Variants in FBXW9 observed in about 807,000 individuals in gnomAD.
FBXW9 encodes F-box and WD repeat domain containing 9, also known as F-box/WD repeat-containing protein 9.
A neutral mutation model predicts 55.8 loss-of-function variants in FBXW9; 38 were observed. The ratio of observed to expected loss-of-function variants is 0.68; its 90% CI spans 0.53 to 0.89. The LOEUF (loss-of-function observed/expected upper bound fraction) is 0.89. FBXW9 is among the 40% of genes least tolerant of loss of function. The pLI, the probability that FBXW9 is intolerant of heterozygous loss-of-function variation, is 0.00. For synonymous variants in FBXW9, 289 were observed against 278.2 expected (o/e 1.04, Z -0.38); for missense variants, 590 against 619.4 (o/e 0.95, Z 0.50).
At chr19:12,693,025 G>A (rs1325433698) in intron 3 of FBXW9, among the ~76,000 whole-genome samples, 1 of 152,130 alleles carries the variant, frequency 6.6e-6, no homozygotes, top group South Asian at 2.1e-4. Flanking sequence ...GCTGAATGCT[G>A]ACTTTTTGCC....
rs1364164288 is a variant in FBXW9, at chr19:12,689,065, C to G, written c.*151G>C. 2 of 749,512 alleles carry G rather than the reference C, an allele frequency of 2.7e-6. No homozygotes were observed. Among genetic ancestry groups the G allele is most frequent in the South Asian group, 2.9e-5 (2 of 68,698 alleles). The allele number at this position is 749,512 out of a possible 1,614,324, so 46.4% of individuals were successfully genotyped here. A position where few individuals can be genotyped will look rare whatever the true frequency, so the allele number is the denominator to read the frequency against. ...TTCACCCTTCCCCCGGGCATAGGGCCCAGGCCAGGACGCTCACCCGAATGT... is the reference window on the plus strand; with the variant it reads ...TTCACCCTTCCCCCGGGCATAGGGCGCAGGCCAGGACGCTCACCCGAATGT... On this transcript the variant is annotated 3_prime_UTR_variant, in exon 10 of 10. Transcript: ENST00000393261. This position sits in a 1 kb window ranked among gnomAD's most constrained non-coding sequence, Gnocchi z 5.9.
At chr19:12,691,052 C>CT (rs2025000096) in intron 5 of FBXW9, 114 bp downstream of exon 5, 1 of 944,620 alleles carries the variant, frequency 1.1e-6, no homozygotes, top group Non-Finnish European at 1.7e-6. Flanking sequence ...CATGGCCACT[C>CT]TGAGTGGTGA....
Position 12,691,193 on chromosome 19 carries a change from T to G in FBXW9, c.856A>C (p.Lys286Gln), listed in dbSNP as rs762847752. Reference sequence around the variant, plus strand: ...CTGGGGTCGTAGATGGTCACCTTCTTGTCATAGGTGCCAGTCACCAGGATG... The same window carrying G: ...CTGGGGTCGTAGATGGTCACCTTCTGGTCATAGGTGCCAGTCACCAGGATG... The part of the protein sequence containing the change: ...PDILVTGTYD[K>Q]KVTIYDPRAG... Residue 286 changes from lysine to glutamine, a missense_variant, in exon 5 of 10, where the codon AAG becomes CAG. Lys to Gln is a moderately conservative substitution (Grantham distance 53). Coordinates refer to ENST00000393261, the MANE Select transcript of FBXW9 (RefSeq NM_032301.3). The G allele has an allele frequency of 4.3e-6, 7 of 1,614,028 alleles. No individual in the cohort carries two copies. Among genetic ancestry groups the G allele is most frequent in the Non-Finnish European group, 5.9e-6 (7 of 1,180,030 alleles).
intron 3 of FBXW9, among the ~76,000 whole-genome samples, chr19:12,693,589 C>G (rs1407402248): frequency 8.7e-5 from 9 of 104,026 alleles, no homozygotes; most frequent in African/African-American, 6.0e-4. Flanking sequence ...CACACACACA[C>G]ACACACACAC....
intron 1 of FBXW9, 72 bp from the exon 2 acceptor site, chr19:12,695,010 C>T: frequency 1.9e-6 from 3 of 1,540,752 alleles, no homozygotes; most frequent in South Asian, 1.2e-5. Context: ...CCAAGCCCAA[C>T]CCTGGCTTCC....
Position 12,691,105 on chromosome 19 carries a change from C to T in FBXW9, c.883+61G>A, listed in dbSNP as rs1266521210. On this transcript the variant is annotated intron_variant, in intron 5 of 9. Transcript: ENST00000393261. ...TATGACCCCAGCCAGGCTGTGAAGC[C>T]CCAGTGTCTCCTTCCCTAACATGAC... 23 of 1,400,620 alleles carry T rather than the reference C, an allele frequency of 1.6e-5. No homozygotes were observed. In the Admixed American group the frequency reaches 3.9e-4, roughly 23 times the overall value. The allele number at this position is 1,400,620 out of a possible 1,614,324, so 86.8% of individuals were successfully genotyped here. A position where few individuals can be genotyped will look rare whatever the true frequency, so the allele number is the denominator to read the frequency against.
Position 12,689,936 on chromosome 19 carries a change from C to G in FBXW9, c.1032+26G>C, listed in dbSNP as rs1342353593. The G allele has an allele frequency of 6.2e-7, 1 of 1,612,846 alleles. No individual in the cohort carries two copies. Among genetic ancestry groups the G allele is most frequent in the South Asian group, 1.1e-5 (1 of 91,052 alleles). ...GGCTGGGCCTGCAACAGTCCCCATC[C>G]CTCCAGGCCCCTGGGGAGGGCCCAC... On this transcript the variant is annotated intron_variant, in intron 6 of 9. Transcript: ENST00000393261. The surrounding 1 kb of genome is among the most constrained non-coding windows in gnomAD (Gnocchi z 5.9).
Position 12,696,421 on chromosome 19 carries a change from G to A in FBXW9, c.161C>T (p.Ser54Phe), listed in dbSNP as rs373375055. The A allele has an allele frequency of 1.4e-4, 225 of 1,611,790 alleles. 2 individuals carry two copies. In the African/African-American group the frequency reaches 2.6e-3, roughly 18 times the overall value. The change falls in exon 1 of 10, where the codon TCC (serine) becomes TTC (phenylalanine). Residue 54 changes from serine to phenylalanine, a missense_variant. By Grantham distance (155) the Ser-to-Phe change is radical. Transcript: ENST00000393261. ...AGCGCTCGGGGACGCGGCGGGTGTG[G>A]ATAGCTGCGAGGGGCGCGAGAACGC... ...GLAFSRPSQLSTPAASPSASE... is the reference protein window; with the variant it reads ...GLAFSRPSQLFTPAASPSASE...
At chr19:12,693,050 A>G (rs1361934953) in intron 3 of FBXW9, among the ~76,000 whole-genome samples, 2 of 152,168 alleles carry the variant, frequency 1.3e-5, no homozygotes, top group Non-Finnish European at 2.9e-5. Flanking sequence ...AATCCCGCTG[A>G]GGAGGGCAAT....
At chr19:12,692,226 ATT>A (rs145110867) in intron 3 of FBXW9, among the ~76,000 whole-genome samples, 23 of 135,258 alleles carry the variant, frequency 1.7e-4, no homozygotes, top group Non-Finnish European at 1.6e-4. Flanking sequence ...CACTCTGCTA[ATT>A]TTTTTTTTTT....
chr19:12,692,063 T>C (rs1286960122), intron 3 of FBXW9, among the ~76,000 whole-genome samples: 1 of 131,098 alleles, frequency 7.6e-6, no homozygotes, highest in Admixed American at 7.8e-5. Context: ...GCCCAGGAAC[T>C]CTTTTTTTTT....
chr19:12,694,566 T>C lies in FBXW9; in HGVS notation c.678+28A>G, dbSNP rs10424461. On this transcript the variant is annotated intron_variant, in intron 3 of 9. Coordinates refer to ENST00000393261, the MANE Select transcript of FBXW9 (RefSeq NM_032301.3). ...ACCAAGATGCCCTACTCAGGCCTCA[T>C]ACCTCCTATCCCCACCTGACTCCTC... is the stretch of plus-strand genomic sequence containing the variant. The C allele has an allele frequency of 0.036, 57,644 of 1,607,516 alleles. 8,633 individuals are homozygous for C. The African/African-American group carries it at 0.46, about 13-fold the overall frequency.
At chr19:12,690,800 A>C (rs995337888) in intron 5 of FBXW9, among the ~76,000 whole-genome samples, 5 of 152,124 alleles carry the variant, frequency 3.3e-5, no homozygotes, top group African/African-American at 1.2e-4. Context: ...AGGCGCCACC[A>C]CATCCAGCAT....
rs2024968663 is a variant in FBXW9 at position 12,689,316 on chromosome 19, G to A, written c.1303-26C>T. 2.5e-6 allele frequency: 4 copies of A among 1,614,216 alleles called. No individual in the cohort carries two copies. The highest frequency in any genetic ancestry group is 3.4e-6 in the Non-Finnish European group (4 of 1,180,026). ...CTGGGAAGGGGGAGGAACATGAGGAGTCAGGGACGATGGCGCTCTGGCCAG... is the reference window on the plus strand; with the variant it reads ...CTGGGAAGGGGGAGGAACATGAGGAATCAGGGACGATGGCGCTCTGGCCAG... On this transcript the variant is annotated intron_variant, in intron 9 of 9. Transcript: ENST00000393261. This position sits in a 1 kb window ranked among gnomAD's most constrained non-coding sequence, Gnocchi z 5.9.
intron 5 of FBXW9, 94 bp from the exon 6 acceptor site, chr19:12,690,204 G>T: frequency 6.3e-7 from 1 of 1,584,758 alleles, no homozygotes; most frequent in Non-Finnish European, 8.5e-7. Context: ...ATCCTGTCTG[G>T]CAAAACCCTC....
At chr19:12,695,720 C>T (rs1342190364) in intron 1 of FBXW9, among the ~76,000 whole-genome samples, 2 of 152,198 alleles carry the variant, frequency 1.3e-5, no homozygotes, top group South Asian at 4.1e-4. Context: ...GGCTCTAGGG[C>T]TCAGGAGTTT....
Position 12,696,309 on chromosome 19 carries a change from G to C in FBXW9, c.273C>G (p.Cys91Trp), listed in dbSNP as rs1187252282. 1.9e-6 allele frequency: 3 copies of C among 1,583,532 alleles called. No individual in the cohort carries two copies. Among genetic ancestry groups the C allele is most frequent in the Non-Finnish European group, 2.6e-6 (3 of 1,165,516 alleles). ...GCACGAGGCGGGCGTCCAGGTAGGA[G>C]CAGATCTCGAGCAGCAGCTCCGGGG... ...SLPPELLLEI[C>W]SYLDARLVLH... Residue 91 changes from cysteine to tryptophan, a missense_variant, in exon 1 of 10, where the codon TGC (cysteine) becomes TGG (tryptophan). Physicochemically the swap from Cys to Trp is radical, Grantham distance 215. Coordinates refer to ENST00000393261, the MANE Select transcript of FBXW9 (RefSeq NM_032301.3).
chr19:12,694,976 G>T, intron 1 of FBXW9, 38 bp from the exon 2 acceptor site: 1 of 1,598,324 alleles, frequency 6.3e-7, no homozygotes, highest in Non-Finnish European at 8.5e-7. Flanking sequence ...AGTGGGCAGG[G>T]ACCCTAGCAC....
Position 12,695,807 on chromosome 19 carries a change from G to A in FBXW9, c.409+366C>T, listed in dbSNP as rs528749490. ...ATCCTTGGGCTCACTTTGAGCCCCA[G>A]CATAAACTCCAGAGCCTAAGACTTC... On this transcript the variant is annotated intron_variant, in intron 1 of 9. Transcript: ENST00000393261. Among the ~76,000 whole-genome samples, 34 of 152,296 alleles carry A rather than the reference G, an allele frequency of 2.2e-4. 1 individual carries two copies. In the South Asian group the frequency reaches 6.8e-3, roughly 31 times the overall value.
Sources: allele counts gnomAD v4.1 joint callset (sites outside exome capture counted in the v4.1 genomes callset), GRCh38; gene constraint gnomAD v4.1.1; non-coding constraint Gnocchi (gnomAD v3.1); transcripts MANE v1.5; gene names NCBI Gene and HGNC (gene_info 2026-07-23, HGNC 2026-07-21).